The following PCDHGA1 variants were observed in gnomAD, a reference collection of about 807,000 sequenced individuals.
The protein encoded by PCDHGA1 is protocadherin gamma subfamily A, 1.
Under a neutral mutation model 58.0 loss-of-function variants are expected in PCDHGA1, and 32 were observed. That is an observed-to-expected ratio of 0.55 (90% CI 0.42 to 0.74). The LOEUF (loss-of-function observed/expected upper bound fraction) is 0.74, where lower values mean the gene tolerates loss of function less well. Ranked by LOEUF, PCDHGA1 falls within the 30% of genes least tolerant of loss-of-function variation. PCDHGA1 has a pLI of 0.00. For synonymous variants in PCDHGA1, 498 were observed against 501.1 expected (o/e 0.99, Z 0.08); for missense variants, 1,205 against 1,182.3 (o/e 1.02, Z -0.28).
intron 1 of PCDHGA1, chr5:141,372,939 G>A (rs1026338118): frequency 1.1e-5 from 9 of 824,676 alleles, no homozygotes; most frequent in Non-Finnish European, 1.6e-5. Flanking sequence ...GTAGAGTAGG[G>A]TGTCTAGGAA....
chr5:141,367,813 CTT>C (rs1205428294), intron 1 of PCDHGA1: 1 of 151,974 alleles, frequency 6.6e-6, no homozygotes, highest in African/African-American at 2.4e-5. Context: ...TAGATAAACC[CTT>C]TACTTATTAG....
chr5:141,361,865 T>C (rs1588568656), intron 1 of PCDHGA1: 2 of 1,611,792 alleles, frequency 1.2e-6, no homozygotes, highest in East Asian at 2.2e-5. Flanking sequence ...CTCTTCGATA[T>C]GGTGCCACGC....
At chr5:141,413,767 C>A in intron 1 of PCDHGA1, 1 of 1,612,972 alleles carries the variant, frequency 6.2e-7, no homozygotes, top group South Asian at 1.1e-5. Flanking sequence ...GTACCCGGAG[C>A]TGGTACTGGA....
At chr5:141,398,759 T>A (rs1313274991) in intron 1 of PCDHGA1, 2 of 1,613,904 alleles carry the variant, frequency 1.2e-6, no homozygotes, top group Non-Finnish European at 1.7e-6. Context: ...CATCGTTTAG[T>A]CCTGACTGCC....
chr5:141,497,829 C>T (rs754594104), intron 2 of PCDHGA1, among the ~76,000 whole-genome samples: 147 of 152,160 alleles, frequency 9.7e-4, no homozygotes, highest in Non-Finnish European at 1.8e-3. Flanking sequence ...TGTGATCGCC[C>T]CCGGCCACAA....
rs553126235 is a variant in PCDHGA1 at position 141,473,346 on chromosome 5, G to A, written c.2422-21461G>A. Reference sequence around the variant, plus strand: ...AAGTGCCTGCTGTGCTAGACAGTGAGGATGCAAGTGGCCACCAAAATAGCA... The same window carrying A: ...AAGTGCCTGCTGTGCTAGACAGTGAAGATGCAAGTGGCCACCAAAATAGCA... On this transcript the variant is annotated intron_variant, in intron 1 of 3. Transcript: ENST00000517417. Among the ~76,000 whole-genome samples, 9 of 152,310 alleles carry A rather than the reference G, an allele frequency of 5.9e-5. No individual in the cohort carries two copies. The East Asian group carries it at 1.5e-3, about 26-fold the overall frequency.
Position 141,331,023 on chromosome 5 carries a change from A to G in PCDHGA1, c.339A>G (p.Lys113=). The change falls in exon 1 of 4, where the codon AAA becomes AAG. Residue 113 remains lysine, a synonymous_variant. Coordinates refer to ENST00000517417, the MANE Select transcript of PCDHGA1 (RefSeq NM_018912.3). ...GTTTTAATATCCTTGTTGAGGATAA[A>G]ATGAAGCTTTTTCCTGTTGAAGTAG... ...LVSFNILVED[K]MKLFPVEVEI... The G allele has an allele frequency of 6.2e-7, 1 of 1,614,180 alleles. No individual in the cohort carries two copies. The highest frequency in any genetic ancestry group is 8.5e-7 in the Non-Finnish European group (1 of 1,180,032).
intron 1 of PCDHGA1, among the ~76,000 whole-genome samples, chr5:141,456,845 C>T (rs1308477735): frequency 6.6e-6 from 1 of 152,092 alleles, no homozygotes; most frequent in African/African-American, 2.4e-5. Context: ...CGCCTGTAAT[C>T]CCAGCTAATT....
At chr5:141,400,441 G>T (rs757449650) in intron 1 of PCDHGA1, 29 of 1,613,966 alleles carry the variant, frequency 1.8e-5, no homozygotes, top group Non-Finnish European at 2.1e-5. Flanking sequence ...ATTGAGTTCA[G>T]GACAAGACAT....
chr5:141,345,563 C>A, intron 1 of PCDHGA1: 4 of 1,614,220 alleles, frequency 2.5e-6, no homozygotes, highest in Non-Finnish European at 3.4e-6. Flanking sequence ...TCAACTCCAA[C>A]ACTGGCGTCC....
intron 1 of PCDHGA1, among the ~76,000 whole-genome samples, chr5:141,449,342 C>T (rs895923034): frequency 3.3e-5 from 5 of 151,854 alleles, no homozygotes; most frequent in Non-Finnish European, 5.9e-5. Context: ...TGCAGTGGCT[C>T]ACTCCTGTAA....
At chr5:141,344,780 GA>G in intron 1 of PCDHGA1, 3 of 1,614,016 alleles carry the variant, frequency 1.9e-6, no homozygotes, top group Non-Finnish European at 2.5e-6. Context: ...AGTACCGTGT[GA>G]GTGTTTGGGA....
intron 1 of PCDHGA1, chr5:141,345,612 G>T (rs770695271): frequency 1.2e-6 from 2 of 1,614,172 alleles, no homozygotes; most frequent in Admixed American, 1.7e-5. Flanking sequence ...GCAATTTAGA[G>T]ACTTAAAGCT....
intron 1 of PCDHGA1, among the ~76,000 whole-genome samples, chr5:141,429,564 C>A (rs995466828): frequency 2.0e-5 from 3 of 152,092 alleles, no homozygotes; most frequent in African/African-American, 7.2e-5. Flanking sequence ...TGATAATATT[C>A]AGTTACATTT....
At chr5:141,415,574 A>G (rs1168111069) in intron 1 of PCDHGA1, 3 of 1,614,066 alleles carry the variant, frequency 1.9e-6, no homozygotes, top group Non-Finnish European at 8.5e-7. Flanking sequence ...TTGTTAGATG[A>G]TTCGAAGTTT....
chr5:141,332,256 G>T lies in PCDHGA1; in HGVS notation c.1572G>T (p.Gln524His). The T allele has an allele frequency of 1.2e-6, 2 of 1,614,248 alleles. No homozygotes were observed. The highest frequency in any genetic ancestry group is 1.1e-5 in the South Asian group (1 of 91,088). ...LYALRSFDYE[Q>H]FRDMQLKVMA... Reference sequence around the variant, plus strand: ...CGCTGCGATCCTTCGACTATGAGCAGTTCCGGGACATGCAACTGAAAGTGA... The same window carrying T: ...CGCTGCGATCCTTCGACTATGAGCATTTCCGGGACATGCAACTGAAAGTGA... The change falls in exon 1 of 4, where the codon CAG becomes CAT. Residue 524 changes from glutamine to histidine, a missense_variant. Coordinates refer to ENST00000517417, the MANE Select transcript of PCDHGA1 (RefSeq NM_018912.3). The surrounding 1 kb of genome is among the most constrained non-coding windows in gnomAD (Gnocchi z 4.6).
chr5:141,486,029 C>G lies in PCDHGA1; in HGVS notation c.2422-8778C>G. Reference sequence around the variant, plus strand: ...CACCTTTTATTTCAGTGGTCATACCCCTGATCGTGTAAGAAACCTCTTTAG... The same window carrying G: ...CACCTTTTATTTCAGTGGTCATACCGCTGATCGTGTAAGAAACCTCTTTAG... On this transcript the variant is annotated intron_variant, in intron 1 of 3. Transcript: ENST00000517417. The surrounding 1 kb of genome is among the most constrained non-coding windows in gnomAD (Gnocchi z 5.0). 6.2e-7 allele frequency: 1 copy of G among 1,614,016 alleles called. No homozygotes were observed. Among genetic ancestry groups the G allele is most frequent in the Non-Finnish European group, 8.5e-7 (1 of 1,179,900 alleles).
chr5:141,415,071 G>C (rs757356726), intron 1 of PCDHGA1: 5 of 1,613,422 alleles, frequency 3.1e-6, no homozygotes, highest in Non-Finnish European at 1.7e-6. Context: ...AGGTGCGCAC[G>C]GCGCGAGCCC....
chr5:141,494,899 C>T, intron 2 of PCDHGA1, 34 bp downstream of exon 2: 1 of 1,614,116 alleles, frequency 6.2e-7, no homozygotes, highest in Non-Finnish European at 8.5e-7. Context: ...ACCCTCTTCT[C>T]TGCGGCATTT....
Sources: allele counts gnomAD v4.1 joint callset (sites outside exome capture counted in the v4.1 genomes callset), GRCh38; gene constraint gnomAD v4.1.1; non-coding constraint Gnocchi (gnomAD v3.1); transcripts MANE v1.5; gene names NCBI Gene and HGNC (gene_info 2026-07-23, HGNC 2026-07-21).